The following MYBBP1A variants were observed in gnomAD, a reference collection of about 807,000 sequenced individuals.
MYBBP1A encodes MYB binding protein 1a, also known as myb-binding protein 1A.
In MYBBP1A, 147 loss-of-function variants were observed where a neutral mutation model predicts 136.3. That is an observed-to-expected ratio of 1.08 (90% confidence interval 0.94 to 1.24). The LOEUF (loss-of-function observed/expected upper bound fraction) is 1.24, where lower values mean the gene tolerates loss of function less well. MYBBP1A is among the 50% of genes most tolerant of loss of function. The pLI is 0.00. For missense variants in MYBBP1A, 2,060 were observed against 1,727.4 expected (o/e 1.19, Z -3.41); for synonymous variants, 947 against 735.8 (o/e 1.29, Z -4.65).
chr17:4,539,843 C>G lies in MYBBP1A; in HGVS notation c.3559G>C (p.Glu1187Gln). ...CCATCCTCCGCTGGCGTGCCATCCT[C>G]TGACTTGCGTTTCTTGCGCTTCTTC... ...ETKKRKKRKS[E>Q]DGTPAEDGTP... The change falls in exon 26 of 26, where the codon GAG (glutamate) becomes CAG (glutamine). Residue 1187 changes from glutamate to glutamine, a missense_variant. Physicochemically the swap from Glu to Gln is conservative, Grantham distance 29 (BLOSUM62 2). Transcript: ENST00000254718. The G allele has an allele frequency of 6.2e-7, 1 of 1,609,338 alleles. No individual in the cohort carries two copies. The highest frequency in any genetic ancestry group is 8.5e-7 in the Non-Finnish European group (1 of 1,179,990).
chr17:4,544,632 C>T lies in MYBBP1A; in HGVS notation c.2496G>A (p.Val832=), dbSNP rs773829855. The change falls in exon 19 of 26, where the codon GTG becomes GTA. Residue 832 remains valine (V), a synonymous_variant. Transcript: ENST00000254718. ...CGGGCTGCTTGGTCACTAGCACCTC[C>T]ACCAGGTCCAGCACCTGCAGCCAGG... The part of the protein sequence containing the change: ...RDFQIRVLDL[V]EVLVTKQPEN... 3 of 1,588,166 alleles carry T rather than the reference C, an allele frequency of 1.9e-6. No individual in the cohort carries two copies. The highest frequency in any genetic ancestry group is 1.7e-5 in the Admixed American group (1 of 57,766).
chr17:4,549,757 G>C (rs918893716), intron 9 of MYBBP1A, among the ~76,000 whole-genome samples: 3 of 124,574 alleles, frequency 2.4e-5, no homozygotes, highest in South Asian at 2.5e-4. Context: ...CTGCACTCCA[G>C]CTTAGGCCAC....
chr17:4,551,803 C>T, intron 8 of MYBBP1A, 77 bp downstream of exon 8: 5 of 1,329,702 alleles, frequency 3.8e-6, no homozygotes, highest in Non-Finnish European at 5.4e-6. Flanking sequence ...CCCCGAGGTG[C>T]CCTGCTCCCC....
At chr17:4,542,355 G>A (rs1906516311) in intron 22 of MYBBP1A, 109 bp downstream of exon 22, 2 of 1,259,034 alleles carry the variant, frequency 1.6e-6, no homozygotes, top group South Asian at 2.9e-5. Context: ...GGACAGCTGT[G>A]CCCGTGCTCA....
Position 4,541,505 on chromosome 17 carries a change from G to A in MYBBP1A, c.3255C>T (p.Ser1085=), listed in dbSNP as rs1302146877. The change falls in exon 24 of 26, where the codon TCC becomes TCT. Residue 1085 remains serine (S), a synonymous_variant. Coordinates refer to ENST00000254718, the MANE Select transcript of MYBBP1A (RefSeq NM_014520.4). ...TKAQHQQALS[S]LELLNVLFRT... is the part of the protein sequence containing the mutation. The stretch of plus-strand genomic sequence containing the variant: ...TGAAGAGAACGTTGAGCAGCTCCAG[G>A]GAGGACAGTGCCTGCTGATGCTGCG... The A allele has an allele frequency of 1.9e-6, 3 of 1,613,592 alleles. No homozygotes were observed. Among genetic ancestry groups the A allele is most frequent in the South Asian group, 1.1e-5 (1 of 91,082 alleles).
At position 4,551,948 on chromosome 17, in the gene MYBBP1A, C is replaced by T. The variant is rs1907554341; in HGVS notation, c.955G>A (p.Glu319Lys). ...CCCTGCATCACCAGGTGCAGCTGCT[C>T]CTTGGTCAGCAGGGGCAGGGCCGCG... ...LGAALPLLTK[E>K]QLHLVMQGDV... The change falls in exon 8 of 26, where the codon GAG becomes AAG. Residue 319 changes from glutamate (E) to lysine (K), a missense_variant. Physicochemically the swap from Glu to Lys is moderately conservative, Grantham distance 56. Coordinates refer to ENST00000254718, the MANE Select transcript of MYBBP1A (RefSeq NM_014520.4). 1 of 1,612,806 alleles carries T rather than the reference C, an allele frequency of 6.2e-7. No individual in the cohort carries two copies. The highest frequency in any genetic ancestry group is 8.5e-7 in the Non-Finnish European group (1 of 1,179,314).
Position 4,539,686 on chromosome 17 carries a change from G to A in MYBBP1A, c.3716C>T (p.Thr1239Ile), listed in dbSNP as rs370612548. The A allele has an allele frequency of 1.9e-5, 30 of 1,608,546 alleles. No individual in the cohort carries two copies. In the South Asian group the frequency reaches 2.2e-4, roughly 12 times the overall value. ...TTTGGCAGGGGTGCTGGGGCTCCGGGTGGGGGCGCCAGGGGCTGGACTCTT... is the reference window on the plus strand; with the variant it reads ...TTTGGCAGGGGTGCTGGGGCTCCGGATGGGGGCGCCAGGGGCTGGACTCTT... ...TTKSPAPGAP[T>I]RSPSTPAKSP... is the part of the protein sequence containing the mutation. The change falls in exon 26 of 26, where the codon ACC becomes ATC. Residue 1239 changes from threonine to isoleucine, a missense_variant. Transcript: ENST00000254718.
chr17:4,551,283 T>C (rs1376080356), intron 8 of MYBBP1A, among the ~76,000 whole-genome samples: 1 of 152,234 alleles, frequency 6.6e-6, no homozygotes, highest in Admixed American at 6.5e-5. Flanking sequence ...GGCTCACTGG[T>C]GCCCAAACAT....
chr17:4,548,216 G>A lies in MYBBP1A; in HGVS notation c.1651C>T (p.Leu551Phe). 1 of 1,610,032 alleles carries A rather than the reference G, an allele frequency of 6.2e-7. No homozygotes were observed. The highest frequency in any genetic ancestry group is 8.5e-7 in the Non-Finnish European group (1 of 1,180,008). The change falls in exon 12 of 26, where the codon CTC becomes TTC. Residue 551 changes from leucine to phenylalanine, a missense_variant. Transcript: ENST00000254718. The surrounding 1 kb of genome is among the most constrained non-coding windows in gnomAD (Gnocchi z 4.2). Reference protein sequence around the residue: ...WTYHLVQFADLLLNHSHNVTT... With the variant: ...WTYHLVQFADFLLNHSHNVTT... ...ACGTTGTGGCTGTGATTCAACAGGA[G>A]GTCTGCGAACTGCACCAGGTGGTAG...
intron 1 of MYBBP1A, 64 bp from the exon 2 acceptor site, chr17:4,555,020 T>C: frequency 1.3e-6 from 2 of 1,596,878 alleles, no homozygotes; most frequent in Non-Finnish European, 1.7e-6. Flanking sequence ...CCGCGCACCC[T>C]GGCATCCAGG....
chr17:4,555,353 A>C lies in MYBBP1A; in HGVS notation c.-29T>G. ...CGCCACACTCACCGAAACACGAAACACGTGTGCTCCGGCCCCAGCCGCTTC... is the reference window on the plus strand; with the variant it reads ...CGCCACACTCACCGAAACACGAAACCCGTGTGCTCCGGCCCCAGCCGCTTC... On this transcript the variant is annotated 5_prime_UTR_variant, in exon 1 of 26. Coordinates refer to ENST00000254718, the MANE Select transcript of MYBBP1A (RefSeq NM_014520.4). 4.4e-6 allele frequency: 7 copies of C among 1,574,088 alleles called. No homozygotes were observed. Among genetic ancestry groups the C allele is most frequent in the Non-Finnish European group, 6.0e-6 (7 of 1,160,418 alleles).
chr17:4,552,172 C>T lies in MYBBP1A; in HGVS notation c.858G>A (p.Lys286=). The change falls in exon 7 of 26, where the codon AAG becomes AAA. Residue 286 remains lysine, a synonymous_variant. Transcript: ENST00000254718. This position sits in a 1 kb window ranked among gnomAD's most constrained non-coding sequence, Gnocchi z 4.7. ...TCAGCAGCCCTTGTTCCACCACCTC[C>T]TTCCAGAACCGTGGGAACTTGTCTT... ...LKEDKFPRFW[K]EVVEQGLLKM... is the part of the protein sequence containing the mutation. The T allele has an allele frequency of 6.2e-7, 1 of 1,614,248 alleles. No homozygotes were observed. The highest frequency in any genetic ancestry group is 8.5e-7 in the Non-Finnish European group (1 of 1,180,046).
At chr17:4,540,511 T>TGGGGCCACAGAGGGC (rs772585713) in intron 24 of MYBBP1A, 27 bp from the exon 25 acceptor site, 182 of 1,588,852 alleles carry the variant, frequency 1.1e-4, no homozygotes, top group Middle Eastern at 4.0e-4. Flanking sequence ...GGCAGAGCTG[T>TGGGGCCACAGAGGGC]GGGGCCACAG....
rs1433557038 is a variant in MYBBP1A at position 4,542,992 on chromosome 17, G to A, written c.2813C>T (p.Thr938Ile). ...TGTCTCATGCACGCAGCCCTCAGCA[G>A]TGTTGCCCTTCAAGACCCGGAGCAG... The part of the protein sequence containing the change: ...LYLLRVLKGN[T>I]AEGCVHETQE... Residue 938 changes from threonine (T) to isoleucine (I), a missense_variant, in exon 20 of 26, where the codon ACT becomes ATT. Coordinates refer to ENST00000254718, the MANE Select transcript of MYBBP1A (RefSeq NM_014520.4). 1.9e-6 allele frequency: 3 copies of A among 1,613,954 alleles called. No individual in the cohort carries two copies. The highest frequency in any genetic ancestry group is 3.3e-5 in the Admixed American group (2 of 60,006).
In MYBBP1A at chr17:4,548,188, G is replaced by T. The variant is rs778557885; in HGVS notation, c.1679C>A (p.Thr560Asn). 6.2e-7 allele frequency: 1 copy of T among 1,606,652 alleles called. No individual in the cohort carries two copies. The highest frequency in any genetic ancestry group is 8.5e-7 in the Non-Finnish European group (1 of 1,179,990). Residue 560 changes from threonine to asparagine, a missense_variant, in exon 12 of 26, where the codon ACC becomes AAC. Thr to Asn is a moderately conservative substitution (Grantham distance 65). Transcript: ENST00000254718. This position sits in a 1 kb window ranked among gnomAD's most constrained non-coding sequence, Gnocchi z 4.2. Reference sequence around the variant, plus strand: ...CTGCGCAGTGAAGGGTGTCACGGTGGTCACGTTGTGGCTGTGATTCAACAG... The same window carrying T: ...CTGCGCAGTGAAGGGTGTCACGGTGTTCACGTTGTGGCTGTGATTCAACAG... ...DLLLNHSHNV[T>N]TVTPFTAQQR...
At chr17:4,546,113 A>T (rs1237864079) in intron 13 of MYBBP1A, among the ~76,000 whole-genome samples, 171 bp from the exon 14 acceptor site, 2 of 152,156 alleles carry the variant, frequency 1.3e-5, no homozygotes, top group East Asian at 3.9e-4. Context: ...CCCCAGCTGG[A>T]CACCCCAAGA....
In MYBBP1A at chr17:4,544,826, C is replaced by T. The variant is rs770246339; in HGVS notation, c.2406G>A (p.Leu802=). Residue 802 remains leucine (L), a synonymous_variant, in exon 18 of 26, where the codon CTG becomes CTA. Transcript: ENST00000254718. ...TCTCGTCTCGCCGGGCCTGGATACG[C>T]AGCTTCTGCTCGGCAAAGAGGCTGG... is the stretch of plus-strand genomic sequence containing the variant. ...SLASLFAEQK[L]RIQARRDEKN... 6.2e-7 allele frequency: 1 copy of T among 1,606,892 alleles called. No individual in the cohort carries two copies. The highest frequency in any genetic ancestry group is 1.1e-5 in the South Asian group (1 of 89,498).
chr17:4,555,045 C>A, intron 1 of MYBBP1A, 82 bp downstream of exon 1: 1 of 1,582,060 alleles, frequency 6.3e-7, no homozygotes, highest in Non-Finnish European at 8.6e-7. Flanking sequence ...CGACCACGTG[C>A]CCCCAGTCTC....
chr17:4,540,621 G>C (rs1906325780), intron 24 of MYBBP1A, 137 bp from the exon 25 acceptor site: 4 of 1,089,350 alleles, frequency 3.7e-6, no homozygotes, highest in Non-Finnish European at 4.9e-6. Context: ...CTCTCCTTCT[G>C]CCTGTTAAGT....
Sources: allele counts gnomAD v4.1 joint callset (sites outside exome capture counted in the v4.1 genomes callset), GRCh38; gene constraint gnomAD v4.1.1; non-coding constraint Gnocchi (gnomAD v3.1); transcripts MANE v1.5; gene names NCBI Gene and HGNC (gene_info 2026-07-23, HGNC 2026-07-21).